The following MEG3 variants were observed in gnomAD, a reference collection of about 807,000 sequenced individuals.
MEG3 encodes maternally expressed 3.
intron 2 of MEG3, among the ~76,000 whole-genome samples, chr14:100,841,094 G>A (rs1258591871): frequency 2.0e-5 from 3 of 152,190 alleles, no homozygotes; most frequent in East Asian, 1.9e-4. Context: ...GAGAGGGGAC[G>A]CTTCAGGTTA....
At chr14:100,853,036 T>C (rs1253989186), upstream of MEG3, 1 of 152,526 alleles carries the variant, frequency 6.6e-6, no homozygotes, top group Non-Finnish European at 1.5e-5. Flanking sequence ...AGTTCTGGGA[T>C]GCTGAGATTC....
intron 2 of MEG3, among the ~76,000 whole-genome samples, chr14:100,841,140 G>T (rs1179179901): frequency 6.6e-6 from 1 of 152,200 alleles, no homozygotes; most frequent in Non-Finnish European, 1.5e-5. Context: ...GCCCCAGACT[G>T]CCGTAAGGGT....
At chr14:100,857,556 A>G (rs1273539763) in exon 1 of MEG3, 1 of 152,198 alleles carries the variant, frequency 6.6e-6, no homozygotes, top group Non-Finnish European at 1.5e-5. Flanking sequence ...GCATGTGCAG[A>G]CCACTGGCAG....
At chr14:100,839,004 CAACAGGA>C (rs1382472119) in intron 2 of MEG3, among the ~76,000 whole-genome samples, 6 of 152,166 alleles carry the variant, frequency 3.9e-5, no homozygotes, top group African/African-American at 1.4e-4. Context: ...GACTTAAGGG[CAACAGGA>C]TGCATGTGTT....
At chr14:100,829,435 C>T (rs2037337544), downstream of MEG3, 1 of 152,222 alleles carries the variant, frequency 6.6e-6, no homozygotes, top group South Asian at 2.1e-4. Context: ...CTGGCAACTC[C>T]AAGGCCCTGG....
At chr14:100,844,866 C>G (rs917213969) in intron 2 of MEG3, among the ~76,000 whole-genome samples, 29 of 152,226 alleles carry the variant, frequency 1.9e-4, no homozygotes, top group African/African-American at 7.0e-4. Context: ...CAGATCTTGA[C>G]ACTGAAGACT....
chr14:100,836,227 G>C, exon 2 of MEG3: 1 of 456,708 alleles, frequency 2.2e-6, no homozygotes, highest in Non-Finnish European at 4.4e-6. Flanking sequence ...CTGCGGAAGA[G>C]GCCCTGATGG....
At chr14:100,836,444 C>A in intron 2 of MEG3, 1 of 413,022 alleles carries the variant, frequency 2.4e-6, no homozygotes, top group South Asian at 1.8e-5. Context: ...CCCCAGGGGT[C>A]TGGGGGCCGG....
chr14:100,849,088 A>C (rs2037996154), intron 3 of MEG3: 1 of 152,206 alleles, frequency 6.6e-6, no homozygotes, highest in Non-Finnish European at 1.5e-5. Context: ...GAGAGGAGAG[A>C]ATATGGAAAC....
intron 2 of MEG3, among the ~76,000 whole-genome samples, chr14:100,838,791 G>A (rs1270450670): frequency 6.6e-6 from 1 of 152,042 alleles, no homozygotes; most frequent in Non-Finnish European, 1.5e-5. Flanking sequence ...GGTTGGGAAA[G>A]GAAACCAAGA....
intron 3 of MEG3, chr14:100,848,085 G>A (rs1286053373): frequency 6.6e-6 from 1 of 152,132 alleles, no homozygotes; most frequent in East Asian, 1.9e-4. Context: ...GAGTGAGAGA[G>A]TGAGAGAGAG....
At chr14:100,860,760 G>A (rs989893488) in exon 2 of MEG3, 12 of 454,172 alleles carry the variant, frequency 2.6e-5, no homozygotes, top group African/African-American at 1.4e-4. Context: ...CTCTGGACCC[G>A]GGGCCTCCCC....
exon 1 of MEG3, chr14:100,859,391 T>A (rs1342564516): frequency 6.6e-6 from 1 of 152,136 alleles, no homozygotes; most frequent in Non-Finnish European, 1.5e-5. Flanking sequence ...AGGATAAAAC[T>A]TCATCTGGAC....
At chr14:100,853,047 G>C (rs546086638), upstream of MEG3, 1 of 152,430 alleles carries the variant, frequency 6.6e-6, no homozygotes, top group Admixed American at 6.5e-5. Flanking sequence ...GCTGAGATTC[G>C]GGATAGGGTT....
chr14:100,833,319 G>T (rs1041457721), downstream of MEG3: 1 of 152,218 alleles, frequency 6.6e-6, no homozygotes, highest in Non-Finnish European at 1.5e-5. Flanking sequence ...GAGTGCAGTG[G>T]CGTGATCTCG....
upstream of MEG3, chr14:100,852,403 C>T (rs376495137): frequency 7.1e-5 from 38 of 534,396 alleles, no homozygotes; most frequent in Middle Eastern, 6.6e-4. Context: ...AGCCACCTTC[C>T]GAGCCTCCAG....
chr14:100,826,386 CAGAA>C (rs1347638099), intron 1 of MEG3: 1 of 152,362 alleles, frequency 6.6e-6, no homozygotes, highest in African/African-American at 2.4e-5. Flanking sequence ...CAAAATTTGT[CAGAA>C]AGAAAATCTT....
intron 3 of MEG3, chr14:100,847,563 G>A (rs1454729444): frequency 1.3e-5 from 2 of 152,240 alleles, no homozygotes; most frequent in Non-Finnish European, 2.9e-5. Context: ...GATCATCACA[G>A]ATTAAGGGCT....
rs745392113 is a variant in MEG3 at position 100,845,474 on chromosome 14, G to A, written n.3062G>A. The A allele has an allele frequency of 5.0e-5, 23 of 456,718 alleles. No individual in the cohort carries two copies. The Middle Eastern group carries it at 9.7e-4, about 19-fold the overall frequency. The allele number at this position is 456,718 out of a possible 1,614,324, so 28.3% of individuals were successfully genotyped here. A position where few individuals can be genotyped will look rare whatever the true frequency, so the allele number is the denominator to read the frequency against. On this transcript the variant is annotated non_coding_transcript_exon_variant, in exon 3 of 4. Coordinates refer to the MEG3 transcript ENST00000398461. This position sits in a 1 kb window ranked among gnomAD's most constrained non-coding sequence, Gnocchi z 5.2. ...TTGTTACAGCGGAAGCCATCACCTG[G>A]ATGCCTACGTGGGAAGGGACCTCGA...
Sources: allele counts gnomAD v4.1 joint callset (sites outside exome capture counted in the v4.1 genomes callset), GRCh38; gene constraint gnomAD v4.1.1; non-coding constraint Gnocchi (gnomAD v3.1); transcripts MANE v1.5; gene names NCBI Gene and HGNC (gene_info 2026-07-23, HGNC 2026-07-21).